The following FUT9 variants were observed in gnomAD, a reference collection of about 807,000 sequenced individuals.
FUT9 encodes 4-galactosyl-N-acetylglucosaminide 3-alpha-L-fucosyltransferase 9.
A neutral mutation model predicts 29.7 loss-of-function variants in FUT9; 15 were observed. The ratio of observed to expected loss-of-function variants is 0.51; its 90% CI spans 0.34 to 0.78. FUT9 has a LOEUF of 0.78. Ranked by LOEUF, FUT9 falls within the 30% of genes least tolerant of loss-of-function variation. FUT9 has a pLI of 0.01. For missense variants in FUT9, 319 were observed against 425.4 expected (o/e 0.75, Z 2.20); for synonymous variants, 169 against 153.7 (o/e 1.10, Z -0.74).
chr6:96,155,621 C>T (rs1772766920), intron 2 of FUT9, among the ~76,000 whole-genome samples: 1 of 150,292 alleles, frequency 6.7e-6, no homozygotes, highest in Non-Finnish European at 1.5e-5. Context: ...TGCAGTGAGC[C>T]GAGATCGTGC....
chr6:96,021,945 G>A (rs558675871), intron 1 of FUT9, among the ~76,000 whole-genome samples: 1 of 151,974 alleles, frequency 6.6e-6, no homozygotes, highest in South Asian at 2.1e-4. Context: ...GGTTTACCAA[G>A]AGAAAAAAAT....
At position 96,213,993 on chromosome 6, in the gene FUT9, G is replaced by T. The variant is rs570388502; in HGVS notation, c.*9758G>T. ...GTCTCAATCCGTATGCATGATTCACGTCCTTTCAAAAGTCCCTTTTCAACA... is the reference window on the plus strand; with the variant it reads ...GTCTCAATCCGTATGCATGATTCACTTCCTTTCAAAAGTCCCTTTTCAACA... On this transcript the variant is annotated 3_prime_UTR_variant, in exon 3 of 3. Transcript: ENST00000302103. 1 of 166,832 alleles carries T rather than the reference G, an allele frequency of 6.0e-6. No homozygotes were observed. Among genetic ancestry groups the T allele is most frequent in the African/African-American group, 2.4e-5 (1 of 41,404 alleles). The allele number at this position is 166,832 out of a possible 1,614,324, so 10.3% of individuals were successfully genotyped here. A position where few individuals can be genotyped will look rare whatever the true frequency, so the allele number is the denominator to read the frequency against.
intron 1 of FUT9, among the ~76,000 whole-genome samples, chr6:96,069,832 C>T (rs1008210977): frequency 5.3e-5 from 8 of 151,752 alleles, no homozygotes; most frequent in African/African-American, 1.7e-4. Context: ...GGGGTTTCGC[C>T]GTGTTAGCCA....
In FUT9 at chr6:96,132,925, C is replaced by CATTTATTT. The variant is rs34528263; in HGVS notation, c.-9+18814_-9+18821dup. Among the ~76,000 whole-genome samples, 783 of 150,466 alleles carry CATTTATTT rather than the reference C, an allele frequency of 5.2e-3. 4 individuals are homozygous for CATTTATTT. Among genetic ancestry groups the CATTTATTT allele is most frequent in the African/African-American group, 0.013 (552 of 41,104 alleles). On this transcript the variant is annotated intron_variant, in intron 2 of 2. Transcript: ENST00000302103. ...TCAGAGGACTTTATGTATCTATAGC[C>CATTTATTT]ATTTATTTATTTATTTATTTATTAT...
At chr6:96,107,813 C>T (rs1010213041) in intron 1 of FUT9, among the ~76,000 whole-genome samples, 4 of 152,120 alleles carry the variant, frequency 2.6e-5, no homozygotes, top group African/African-American at 7.2e-5. Flanking sequence ...GTTCAACTCA[C>T]GAGGATCTAC....
chr6:96,165,412 C>CA (rs753627367), intron 2 of FUT9, among the ~76,000 whole-genome samples: 233 of 144,826 alleles, frequency 1.6e-3, no homozygotes, highest in Non-Finnish European at 2.9e-3. Context: ...GCCTGGGTGA[C>CA]AGAGCGAGAC....
intron 2 of FUT9, among the ~76,000 whole-genome samples, chr6:96,139,133 T>C (rs1772413692): frequency 6.6e-6 from 1 of 152,056 alleles, no homozygotes; most frequent in Non-Finnish European, 1.5e-5. Flanking sequence ...ACTTCCTAGA[T>C]AAAATGGGGG....
At chr6:96,077,934 G>A (rs75488382) in intron 1 of FUT9, among the ~76,000 whole-genome samples, 9 of 152,174 alleles carry the variant, frequency 5.9e-5, no homozygotes, top group East Asian at 1.9e-4. Flanking sequence ...TATCCCTAGC[G>A]TTCCGAAATT....
intron 2 of FUT9, among the ~76,000 whole-genome samples, chr6:96,170,456 A>C (rs913699107): frequency 1.3e-5 from 2 of 152,106 alleles, no homozygotes; most frequent in Non-Finnish European, 2.9e-5. Flanking sequence ...TATGTACAAC[A>C]ATATATCAAA....
chr6:96,026,980 G>A (rs1335820603), intron 1 of FUT9, among the ~76,000 whole-genome samples: 1 of 151,626 alleles, frequency 6.6e-6, no homozygotes, highest in African/African-American at 2.4e-5. Flanking sequence ...GTCTGTTAAT[G>A]TTGAATTTAC....
At chr6:96,094,232 T>A in intron 1 of FUT9, among the ~76,000 whole-genome samples, 1 of 152,150 alleles carries the variant, frequency 6.6e-6, no homozygotes, top group Admixed American at 6.6e-5. Context: ...AGTAGCATGA[T>A]GAAATCTCAT....
chr6:96,201,244 T>C (rs1773721555), intron 2 of FUT9, among the ~76,000 whole-genome samples: 1 of 151,998 alleles, frequency 6.6e-6, no homozygotes, highest in African/African-American at 2.4e-5. Context: ...GGTATTTCTG[T>C]ATTTGTACAA....
chr6:96,046,235 A>ACACACG (rs1770561846), intron 1 of FUT9, among the ~76,000 whole-genome samples: 1 of 151,092 alleles, frequency 6.6e-6, no homozygotes, highest in Non-Finnish European at 1.5e-5. Flanking sequence ...ACACACACAC[A>ACACACG]CACACACACC....
intron 1 of FUT9, among the ~76,000 whole-genome samples, chr6:96,057,404 A>T (rs1202864816): frequency 6.6e-6 from 1 of 152,176 alleles, no homozygotes; most frequent in Non-Finnish European, 1.5e-5. Flanking sequence ...GGAGGAGAGA[A>T]AGCTCCAGTA....
intron 2 of FUT9, among the ~76,000 whole-genome samples, chr6:96,150,095 T>C (rs1210856695): frequency 6.6e-6 from 1 of 152,102 alleles, no homozygotes; most frequent in Non-Finnish European, 1.5e-5. Flanking sequence ...CCTACCTGGG[T>C]CTTGATTCTC....
rs1176874369 is a variant in FUT9, at chr6:96,208,706, G to C, written c.*4471G>C. ...TCTCAAGAAAGATTAGAAAGGATTT[G>C]GATCACGTTAACATTCTATGCAAAT... On this transcript the variant is annotated 3_prime_UTR_variant, in exon 3 of 3. Coordinates refer to ENST00000302103, the MANE Select transcript of FUT9 (RefSeq NM_006581.4). 1 of 166,718 alleles carries C rather than the reference G, an allele frequency of 6.0e-6. No individual in the cohort carries two copies. The highest frequency in any genetic ancestry group is 1.5e-5 in the Non-Finnish European group (1 of 67,994). 10.3% of individuals were successfully genotyped at this position (166,718 alleles called of 1,614,324 possible). A position where few individuals can be genotyped will look rare whatever the true frequency, so the allele number is the denominator to read the frequency against.
intron 1 of FUT9, among the ~76,000 whole-genome samples, chr6:96,111,291 T>C (rs969885232): frequency 2.0e-5 from 3 of 152,154 alleles, no homozygotes; most frequent in East Asian, 1.9e-4. Context: ...CTTATCATTG[T>C]AGGCAGAAAG....
At chr6:96,163,377 A>C (rs1772950413) in intron 2 of FUT9, among the ~76,000 whole-genome samples, 1 of 149,030 alleles carries the variant, frequency 6.7e-6, no homozygotes, top group South Asian at 2.1e-4. Context: ...TCTATATTTG[A>C]GTTATTGCGG....
intron 1 of FUT9, among the ~76,000 whole-genome samples, chr6:96,045,707 A>G (rs551101451): frequency 1.3e-5 from 2 of 152,292 alleles, no homozygotes; most frequent in Non-Finnish European, 2.9e-5. Flanking sequence ...GGATGGGAAA[A>G]GCTGGGGCTG....
Sources: gnomAD v4.1 joint callset for allele counts (sites outside exome capture counted in the v4.1 genomes callset) on GRCh38, gnomAD v4.1.1 for gene constraint, MANE v1.5 for transcripts, NCBI Gene and HGNC (gene_info 2026-07-23, HGNC 2026-07-21) for gene names.